The following LOC102723971 variants were observed in gnomAD, a reference collection of about 807,000 sequenced individuals.
chr9:135,618,638 G>A, the LOC102723971 span, among the ~76,000 whole-genome samples: 1 of 151,752 alleles, frequency 6.6e-6, no homozygotes, highest in Admixed American at 6.6e-5. Context: ...GAGGGAGGAA[G>A]GCTCCCTGGA....
chr9:135,614,590 C>A, the LOC102723971 span, among the ~76,000 whole-genome samples: 1 of 152,164 alleles, frequency 6.6e-6, no homozygotes, highest in Non-Finnish European at 1.5e-5. Flanking sequence ...TCCCTCTCTC[C>A]GGGCTGCGGA....
the LOC102723971 span, among the ~76,000 whole-genome samples, chr9:135,617,502 G>A: frequency 3.3e-5 from 5 of 152,140 alleles, no homozygotes; most frequent in Non-Finnish European, 1.5e-5. Flanking sequence ...GGCATTTCAG[G>A]GCAGAGGATC....
the LOC102723971 span, among the ~76,000 whole-genome samples, chr9:135,615,846 G>A: frequency 6.6e-6 from 1 of 152,172 alleles, no homozygotes. Context: ...GCCACCCTGG[G>A]CCCACACCCC....
chr9:135,619,161 G>C, the LOC102723971 span, among the ~76,000 whole-genome samples: 1 of 152,080 alleles, frequency 6.6e-6, no homozygotes, highest in African/African-American at 2.4e-5. Flanking sequence ...TGCTGGGAAG[G>C]CCTCTTCCCT....
chr9:135,617,441 A>C, the LOC102723971 span, among the ~76,000 whole-genome samples: 2 of 152,152 alleles, frequency 1.3e-5, no homozygotes, highest in African/African-American at 4.8e-5. Context: ...AGTGGGGGAC[A>C]TCGAGGGGCT....
chr9:135,618,579 C>T, the LOC102723971 span, among the ~76,000 whole-genome samples: 1 of 151,880 alleles, frequency 6.6e-6, no homozygotes, highest in Non-Finnish European at 1.5e-5. Context: ...GGAGCATGAC[C>T]GTGCTGTGTG....
chr9:135,618,711 G>T, the LOC102723971 span, among the ~76,000 whole-genome samples: 1 of 151,736 alleles, frequency 6.6e-6, no homozygotes, highest in African/African-American at 2.4e-5. Context: ...ATCCAAGGCT[G>T]AGAGGGGCAG....
the LOC102723971 span, chr9:135,616,721 G>A: frequency 0.22 from 87,715 of 398,410 alleles, 10,249 homozygotes; most frequent in African/African-American, 0.25. Flanking sequence ...AGCAAGGGGC[G>A]CTCGGATGTC....
At chr9:135,617,235 G>A in the LOC102723971 span, among the ~76,000 whole-genome samples, 1 of 152,224 alleles carries the variant, frequency 6.6e-6, no homozygotes, top group Non-Finnish European at 1.5e-5. Flanking sequence ...GTGTCCCCAT[G>A]CAGGACGTGC....
At chr9:135,619,697 G>A in the LOC102723971 span, among the ~76,000 whole-genome samples, 2 of 152,050 alleles carry the variant, frequency 1.3e-5, no homozygotes, top group South Asian at 2.1e-4. Context: ...GGATTCTGAA[G>A]GGCGGCGCCC....
chr9:135,615,870 G>A, the LOC102723971 span, among the ~76,000 whole-genome samples: 1 of 152,222 alleles, frequency 6.6e-6, no homozygotes, highest in South Asian at 2.1e-4. Flanking sequence ...CGGCCCCGAT[G>A]TAAGCCAGGG....
chr9:135,618,366 C>T, the LOC102723971 span, among the ~76,000 whole-genome samples: 1 of 152,252 alleles, frequency 6.6e-6, no homozygotes, highest in East Asian at 1.9e-4. Context: ...CAGCCTCTCC[C>T]CTCTGCTGCC....
chr9:135,619,302 C>T, the LOC102723971 span, among the ~76,000 whole-genome samples: 4 of 152,208 alleles, frequency 2.6e-5, no homozygotes, highest in Non-Finnish European at 5.9e-5. Context: ...CCCTGAGCTC[C>T]TGCCCGCAGC....
At chr9:135,616,441 C>T in the LOC102723971 span, 1 of 394,810 alleles carries the variant, frequency 2.5e-6, no homozygotes, top group Non-Finnish European at 4.5e-6. Context: ...GGAGCTGACG[C>T]CCCGGGGAGG....
chr9:135,618,639 G>C, the LOC102723971 span, among the ~76,000 whole-genome samples: 15 of 151,738 alleles, frequency 9.9e-5, no homozygotes, highest in Non-Finnish European at 1.5e-4. Context: ...AGGGAGGAAG[G>C]CTCCCTGGAA....
the LOC102723971 span, chr9:135,618,954 C>T: frequency 2.5e-6 from 1 of 400,190 alleles, no homozygotes. Context: ...CCACCCTGAG[C>T]CTAGGTCTGG....
chr9:135,617,233 A>C, the LOC102723971 span, among the ~76,000 whole-genome samples: 4 of 152,182 alleles, frequency 2.6e-5, no homozygotes, highest in African/African-American at 9.7e-5. Context: ...GGGTGTCCCC[A>C]TGCAGGACGT....
At chr9:135,618,907 C>T in the LOC102723971 span, 16 of 398,814 alleles carry the variant, frequency 4.0e-5, no homozygotes, top group Non-Finnish European at 6.6e-5. Context: ...CTCAGAATCA[C>T]CACCTTTTTC....
chr9:135,616,808 T>G, the LOC102723971 span: 2 of 398,192 alleles, frequency 5.0e-6, no homozygotes, highest in Admixed American at 8.8e-5. Context: ...CTGTGCATCC[T>G]CTTGGTGGCA....
Sources: gnomAD v4.1 joint callset for allele counts (sites outside exome capture counted in the v4.1 genomes callset) on GRCh38, gnomAD v4.1.1 for gene constraint, MANE v1.5 for transcripts.